DOK6: variants seen among roughly 807,000 people sequenced by gnomAD.
DOK6 encodes downstream of tyrosine kinase 6.
In DOK6, 22 loss-of-function variants were observed where a neutral mutation model predicts 44.0. The ratio of observed to expected loss-of-function variants is 0.50; its 90% CI spans 0.36 to 0.71. The LOEUF (loss-of-function observed/expected upper bound fraction) is 0.71, where lower values mean the gene tolerates loss of function less well. DOK6 is among the 30% of genes least tolerant of loss of function. The pLI, the probability that DOK6 is intolerant of heterozygous loss-of-function variation, is 0.00. For synonymous variants in DOK6, 166 were observed against 145.5 expected (o/e 1.14, Z -1.01); for missense variants, 340 against 416.4 (o/e 0.82, Z 1.60).
intron 1 of DOK6, among the ~76,000 whole-genome samples, chr18:69,473,000 A>G (rs1568269077): frequency 1.3e-5 from 2 of 152,236 alleles, no homozygotes; most frequent in African/African-American, 4.8e-5. Flanking sequence ...GTTTCATAGC[A>G]GTGCTAATAT....
intron 3 of DOK6, among the ~76,000 whole-genome samples, chr18:69,673,829 C>T (rs1258001969): frequency 6.6e-6 from 1 of 152,162 alleles, no homozygotes; most frequent in Admixed American, 6.5e-5. Flanking sequence ...TGAAAAAGCA[C>T]TTCATCATGA....
At chr18:69,743,883 C>T (rs1428648071) in intron 6 of DOK6, among the ~76,000 whole-genome samples, 1 of 151,462 alleles carries the variant, frequency 6.6e-6, no homozygotes, top group African/African-American at 2.4e-5. Context: ...TCCTGCTCAC[C>T]AGAAAAGCTC....
chr18:69,712,247 C>T (rs1299816372), intron 5 of DOK6, among the ~76,000 whole-genome samples: 5 of 125,150 alleles, frequency 4.0e-5, no homozygotes, highest in Non-Finnish European at 6.4e-5. Context: ...CGCCACTGCA[C>T]TCCAGCCTGG....
In DOK6 at chr18:69,841,250, G is replaced by T; in HGVS notation, c.863G>T (p.Gly288Val). The T allele has an allele frequency of 6.2e-7, 1 of 1,614,122 alleles. No homozygotes were observed. Among genetic ancestry groups the T allele is most frequent in the South Asian group, 1.1e-5 (1 of 91,072 alleles). ...VGEIYSLQGH[G>V]FGSSKMSRAQ... ...CTCCTTTCTTCCTCTCTAGGTCATG[G>T]GTTTGGTTCGTCAAAGATGTCTCGT... is the stretch of plus-strand genomic sequence containing the variant. The change falls in exon 8 of 8, where the codon GGG becomes GTG. Residue 288 changes from glycine (G) to valine (V), a missense_variant. Gly to Val is a moderately radical substitution (Grantham distance 109). Around this residue, in one of 3 missense-constraint regions of DOK6, gnomAD observed 112 missense variants for 109.3 expected, o/e 1.02. Transcript: ENST00000382713.
chr18:69,504,154 T>A, intron 1 of DOK6, among the ~76,000 whole-genome samples: 1 of 152,074 alleles, frequency 6.6e-6, no homozygotes, highest in East Asian at 1.9e-4. Context: ...TGTCATTTTG[T>A]CTAGGCAGCT....
intron 3 of DOK6, among the ~76,000 whole-genome samples, chr18:69,645,268 A>G (rs947264875): frequency 1.3e-5 from 2 of 152,186 alleles, no homozygotes; most frequent in Non-Finnish European, 2.9e-5. Flanking sequence ...TGCATGCACC[A>G]CACTCCTCCA....
chr18:69,826,609 T>A (rs954338739), intron 7 of DOK6, among the ~76,000 whole-genome samples: 2 of 152,162 alleles, frequency 1.3e-5, no homozygotes, highest in African/African-American at 4.8e-5. Context: ...CTTGACTCCA[T>A]TTTCATGAAT....
intron 1 of DOK6, among the ~76,000 whole-genome samples, chr18:69,423,115 G>T (rs892860976): frequency 2.0e-5 from 3 of 152,118 alleles, no homozygotes; most frequent in Non-Finnish European, 2.9e-5. Context: ...ACCAGCTTGG[G>T]TACATGGGGA....
At chr18:69,543,256 A>G (rs995166141) in intron 1 of DOK6, among the ~76,000 whole-genome samples, 2 of 151,636 alleles carry the variant, frequency 1.3e-5, no homozygotes, top group Admixed American at 6.6e-5. Flanking sequence ...GCCAGAATAA[A>G]TGGTGATTCT....
chr18:69,539,197 TA>T (rs539295724), intron 1 of DOK6, among the ~76,000 whole-genome samples: 18 of 152,192 alleles, frequency 1.2e-4, no homozygotes, highest in African/African-American at 4.3e-4. Context: ...AATATAAATT[TA>T]AAAAAACAAC....
chr18:69,754,093 ATTTTAAG>A (rs1201230277), intron 6 of DOK6, among the ~76,000 whole-genome samples: 3 of 152,134 alleles, frequency 2.0e-5, no homozygotes, highest in Non-Finnish European at 4.4e-5. Context: ...TTACTATAGC[ATTTTAAG>A]TTTTGTTTTT....
chr18:69,712,982 A>G (rs557458161), intron 5 of DOK6, among the ~76,000 whole-genome samples: 2 of 152,356 alleles, frequency 1.3e-5, no homozygotes, highest in Admixed American at 6.5e-5. Context: ...CTTTCAAGAT[A>G]CACGAGACTG....
At chr18:69,830,120 C>A (rs779741709) in intron 7 of DOK6, among the ~76,000 whole-genome samples, 1 of 152,084 alleles carries the variant, frequency 6.6e-6, no homozygotes, top group Non-Finnish European at 1.5e-5. Context: ...ATTGTTCCAA[C>A]GTCCAAACCC....
rs1196820562 is a variant in DOK6, at chr18:69,560,594, A to C, written c.67-3893A>C. Among the ~76,000 whole-genome samples, 4 of 152,168 alleles carry C rather than the reference A, an allele frequency of 2.6e-5. No homozygotes were observed. In the East Asian group the frequency reaches 7.7e-4, roughly 29 times the overall value. Reference sequence around the variant, plus strand: ...AAAATCATTTGAAAACTTTAAAACTATACTGATGCAAGCAATAATTTGTAA... The same window carrying C: ...AAAATCATTTGAAAACTTTAAAACTCTACTGATGCAAGCAATAATTTGTAA... On this transcript the variant is annotated intron_variant, in intron 1 of 7. Coordinates refer to ENST00000382713, the MANE Select transcript of DOK6 (RefSeq NM_152721.6).
chr18:69,536,296 A>C (rs1476071711), intron 1 of DOK6, among the ~76,000 whole-genome samples: 1 of 152,178 alleles, frequency 6.6e-6, no homozygotes, highest in Non-Finnish European at 1.5e-5. Context: ...AAATCCAGTA[A>C]TATTCAGATA....
chr18:69,750,654 TG>T (rs1207676097), intron 6 of DOK6, among the ~76,000 whole-genome samples: 1 of 152,116 alleles, frequency 6.6e-6, no homozygotes, highest in Non-Finnish European at 1.5e-5. Context: ...GTACAACCAT[TG>T]GGGAAAACAG....
intron 7 of DOK6, among the ~76,000 whole-genome samples, chr18:69,764,006 T>C (rs1979641456): frequency 6.6e-6 from 1 of 152,198 alleles, no homozygotes; most frequent in Non-Finnish European, 1.5e-5. Context: ...TAGTCCCACA[T>C]GTGAGCCCCA....
chr18:69,463,691 CTATG>C (rs935415619), intron 1 of DOK6, among the ~76,000 whole-genome samples: 2 of 150,676 alleles, frequency 1.3e-5, no homozygotes, highest in African/African-American at 4.9e-5. Flanking sequence ...GTGTGGGTGT[CTATG>C]TGTGTGTGTC....
intron 1 of DOK6, among the ~76,000 whole-genome samples, chr18:69,406,308 T>A (rs1916205934): frequency 6.6e-6 from 1 of 152,170 alleles, no homozygotes; most frequent in Admixed American, 6.5e-5. Context: ...TATTGGCAAT[T>A]TTTTTCCTTT....
Sources: gnomAD v4.1 joint callset for allele counts (sites outside exome capture counted in the v4.1 genomes callset) on GRCh38, gnomAD v4.1.1 for gene constraint, gnomAD v4.1.1 regional missense constraint, MANE v1.5 for transcripts, NCBI Gene and HGNC (gene_info 2026-07-23, HGNC 2026-07-21) for gene names.